The following ADD1 variants were observed in gnomAD, a reference collection of about 807,000 sequenced individuals.
The protein encoded by ADD1 is alpha-adducin.
A neutral mutation model predicts 80.5 loss-of-function variants in ADD1; 24 were observed. That is an observed-to-expected ratio of 0.30 (90% confidence interval 0.22 to 0.42). The LOEUF (loss-of-function observed/expected upper bound fraction) is 0.42. Ranked by LOEUF, ADD1 falls within the 10% of genes least tolerant of loss-of-function variation. The pLI is 1.00. For synonymous variants in ADD1, 373 were observed against 393.8 expected (o/e 0.95, Z 0.63); for missense variants, 948 against 1,019.0 (o/e 0.93, Z 0.95).
chr4:2,874,334 C>T (rs1331308620), intron 1 of ADD1, among the ~76,000 whole-genome samples: 1 of 152,126 alleles, frequency 6.6e-6, no homozygotes, highest in African/African-American at 2.4e-5. Flanking sequence ...TGGCTGGGGG[C>T]GGTGGCTAAC....
rs1712264117 is a variant in ADD1, at chr4:2,928,267, T to C, written c.2144T>C (p.Leu715Pro). 2.5e-6 allele frequency: 4 copies of C among 1,613,922 alleles called. No homozygotes were observed. The highest frequency in any genetic ancestry group is 3.4e-6 in the Non-Finnish European group (4 of 1,179,988). Residue 715 changes from leucine (L) to proline (P), a missense_variant, in exon 16 of 16, where the codon CTC becomes CCC. Transcript: ENST00000683351. The stretch of plus-strand genomic sequence containing the variant: ...TCCCCTGATGAACCTTCAGAAGCAC[T>C]CGGCTTCCCAATGTTAGAGAAGGAG... ...DLSPDEPSEA[L>P]GFPMLEKEEE...
intron 1 of ADD1, among the ~76,000 whole-genome samples, chr4:2,847,599 T>G (rs1324678017): frequency 1.3e-5 from 2 of 152,200 alleles, no homozygotes; most frequent in East Asian, 3.8e-4. Context: ...CTCGGTTAAC[T>G]TAGAAAGTTT....
chr4:2,877,195 C>G (rs559068498), intron 2 of ADD1, among the ~76,000 whole-genome samples: 1 of 152,094 alleles, frequency 6.6e-6, no homozygotes, highest in East Asian at 1.9e-4. Flanking sequence ...CTGCTGCTGC[C>G]TTTGTGTGTG....
At chr4:2,852,037 C>G (rs952291488) in intron 1 of ADD1, among the ~76,000 whole-genome samples, 5 of 152,060 alleles carry the variant, frequency 3.3e-5, no homozygotes, top group African/African-American at 7.2e-5. Flanking sequence ...CGGGGTTTCC[C>G]CATGTTGAGG....
intron 8 of ADD1, 54 bp from the exon 9 acceptor site, chr4:2,899,205 A>G: frequency 6.6e-7 from 1 of 1,525,564 alleles, no homozygotes; most frequent in South Asian, 1.3e-5. Flanking sequence ...AAGTCATCTG[A>G]CCCTCTTGAT....
intron 6 of ADD1, among the ~76,000 whole-genome samples, 173 bp from the exon 7 acceptor site, chr4:2,898,011 T>A (rs1224967802): frequency 6.6e-6 from 1 of 152,236 alleles, no homozygotes; most frequent in Admixed American, 6.5e-5. Flanking sequence ...TTTTTAAGTG[T>A]GAATTGTTAG....
chr4:2,870,393 G>T (rs1404017119), intron 1 of ADD1, among the ~76,000 whole-genome samples: 1 of 152,196 alleles, frequency 6.6e-6, no homozygotes. Flanking sequence ...ACGTTATTTG[G>T]ACTAAATAGT....
intron 2 of ADD1, among the ~76,000 whole-genome samples, chr4:2,881,345 C>A (rs1732300256): frequency 6.6e-6 from 1 of 152,128 alleles, no homozygotes; most frequent in Admixed American, 6.5e-5. Flanking sequence ...TCCTAAAGTG[C>A]TGGGATTCCA....
chr4:2,851,240 A>T (rs568766132), intron 1 of ADD1, among the ~76,000 whole-genome samples: 1 of 152,242 alleles, frequency 6.6e-6, no homozygotes, highest in Admixed American at 6.5e-5. Context: ...GCCACTCAAG[A>T]TGTGTGGCCC....
intron 14 of ADD1, among the ~76,000 whole-genome samples, 191 bp from the exon 15 acceptor site, chr4:2,925,823 A>C (rs1740869896): frequency 6.6e-6 from 1 of 152,248 alleles, no homozygotes; most frequent in Non-Finnish European, 1.5e-5. Flanking sequence ...AGTTTCTCTG[A>C]AATTCGCATC....
At chr4:2,864,696 A>G (rs979409655) in intron 1 of ADD1, among the ~76,000 whole-genome samples, 3 of 151,492 alleles carry the variant, frequency 2.0e-5, no homozygotes, top group African/African-American at 7.3e-5. Flanking sequence ...TTTTCTTGTC[A>G]GGGTCCCTGG....
chr4:2,907,402 A>G (rs35893718), intron 10 of ADD1: 3,401 of 192,366 alleles, frequency 0.018, 71 homozygotes, highest in African/African-American at 0.047. Flanking sequence ...TTTTCAGAGC[A>G]GTGAACCAAT....
intron 10 of ADD1, among the ~76,000 whole-genome samples, chr4:2,906,388 T>TA (rs1224971651): frequency 2.0e-5 from 3 of 147,898 alleles, no homozygotes; most frequent in African/African-American, 7.6e-5. Flanking sequence ...GTGGGCGTTA[T>TA]AAAACAAAAA....
chr4:2,877,324 T>A (rs530112860), intron 2 of ADD1, among the ~76,000 whole-genome samples: 1 of 152,122 alleles, frequency 6.6e-6, no homozygotes, highest in African/African-American at 2.4e-5. Context: ...AGATGTTGAT[T>A]GTCTCTTATG....
chr4:2,894,164 G>A, intron 5 of ADD1, 71 bp downstream of exon 5: 1 of 1,242,408 alleles, frequency 8.0e-7, no homozygotes. Flanking sequence ...CTTCAGATCA[G>A]CTAAATATGT....
Position 2,899,451 on chromosome 4 carries a change from C to A in ADD1, c.1161+16C>A, listed in dbSNP as rs775231004. The A allele has an allele frequency of 1.2e-6, 2 of 1,613,998 alleles. No homozygotes were observed. The highest frequency in any genetic ancestry group is 2.2e-5 in the East Asian group (1 of 44,890). On this transcript the variant is annotated intron_variant, in intron 9 of 15. Transcript: ENST00000683351. ...CGATAATCTGGTAAGAATGGTGCCA[C>A]CACTTGATGATAAACCTTTTGTTCT...
rs545836166 is a variant in ADD1 at position 2,927,923 on chromosome 4, GTCTGGTGT to G, written c.2048-246_2048-239del. 7.2e-5 allele frequency among the ~76,000 whole-genome samples: 11 copies of G among 152,306 alleles called. No homozygotes were observed. The South Asian group carries it at 1.9e-3, about 26-fold the overall frequency. The stretch of plus-strand genomic sequence containing the variant: ...CGGGGGGACCCAGGCCTGGGACGGA[GTCTGGTGT>G]TGTCAGCACACTGCCCACCAGAAGG... On this transcript the variant is annotated intron_variant, in intron 15 of 15. Coordinates refer to ENST00000683351, the MANE Select transcript of ADD1 (RefSeq NM_001354761.2).
Position 2,926,792 on chromosome 4 carries a change from C to G in ADD1, c.2047+680C>G, listed in dbSNP as rs955379717. ...TTTATTTAAAATAAAAACAGAAGCCCCCCTTTTTTGTACCCAGTCCCTTGG... is the reference window on the plus strand; with the variant it reads ...TTTATTTAAAATAAAAACAGAAGCCGCCCTTTTTTGTACCCAGTCCCTTGG... On this transcript the variant is annotated intron_variant, in intron 15 of 15. Coordinates refer to ENST00000683351, the MANE Select transcript of ADD1 (RefSeq NM_001354761.2). The surrounding 1 kb of genome is among the most constrained non-coding windows in gnomAD (Gnocchi z 5.0). 1 of 1,244,878 alleles carries G rather than the reference C, an allele frequency of 8.0e-7. No homozygotes were observed. The highest frequency in any genetic ancestry group is 1.1e-6 in the Non-Finnish European group (1 of 889,076). 77.1% of individuals were successfully genotyped at this position (1,244,878 alleles called of 1,614,324 possible). A position where few individuals can be genotyped will look rare whatever the true frequency, so the allele number is the denominator to read the frequency against.
intron 14 of ADD1, among the ~76,000 whole-genome samples, chr4:2,917,250 CATT>C (rs1200336345): frequency 1.3e-5 from 2 of 152,166 alleles, no homozygotes; most frequent in Non-Finnish European, 2.9e-5. Context: ...GATGGTATCT[CATT>C]GTGGTTTTGA....
Sources: allele counts gnomAD v4.1 joint callset (sites outside exome capture counted in the v4.1 genomes callset), GRCh38; gene constraint gnomAD v4.1.1; non-coding constraint Gnocchi (gnomAD v3.1); transcripts MANE v1.5; gene names NCBI Gene and HGNC (gene_info 2026-07-23, HGNC 2026-07-21).